The following CAV1 variants were observed in gnomAD, a reference collection of about 807,000 sequenced individuals.
CAV1 encodes caveolin 1, also known as caveolin-1.
A neutral mutation model predicts 16.5 loss-of-function variants in CAV1; 10 were observed. The observed-to-expected ratio is 0.61, with a 90% CI of 0.37 to 1.03. The LOEUF (loss-of-function observed/expected upper bound fraction) is 1.03. Among genes scored for constraint, CAV1 ranks in the 50% least tolerant of loss-of-function variants. The probability of loss-of-function intolerance (pLI) is 0.01; values close to 1 mark genes in which losing one functional copy is unlikely to be tolerated. For synonymous variants in CAV1, 76 were observed against 85.1 expected (o/e 0.89, Z 0.59); for missense variants, 212 against 232.8 (o/e 0.91, Z 0.58).
At position 116,528,605 on chromosome 7, in the gene CAV1, G is replaced by A. The variant is rs113763909; in HGVS notation, c.195+1916G>A. Among the ~76,000 whole-genome samples the A allele has an allele frequency of 6.7e-3, 1,015 of 152,182 alleles. 9 individuals are homozygous for A. The highest frequency in any genetic ancestry group is 0.022 in the African/African-American group (922 of 41,524). On this transcript the variant is annotated intron_variant, in intron 2 of 2. Coordinates refer to ENST00000341049, the MANE Select transcript of CAV1 (RefSeq NM_001753.5). The stretch of plus-strand genomic sequence containing the variant: ...AGAATGCCCTACAGAGAGACACCAA[G>A]ACTACAAATGCAAATTCTGCCCAAA...
rs1003986942 is a variant in CAV1 at position 116,542,404 on chromosome 7, C to G, written c.195+15715C>G. Among the ~76,000 whole-genome samples the G allele has an allele frequency of 7.1e-4, 108 of 152,156 alleles. 1 individual carries two copies. The highest frequency in any genetic ancestry group is 7.0e-3 in the Admixed American group (107 of 15,280). On this transcript the variant is annotated intron_variant, in intron 2 of 2. Transcript: ENST00000341049. ...AATTGGTCTGTGGTGGGGCCCAGAACTCTGTATTCTTTTTTTAAGGCTCTC... is the reference window on the plus strand; with the variant it reads ...AATTGGTCTGTGGTGGGGCCCAGAAGTCTGTATTCTTTTTTTAAGGCTCTC...
At chr7:116,531,011 G>T (rs1018950586) in intron 2 of CAV1, among the ~76,000 whole-genome samples, 3 of 152,168 alleles carry the variant, frequency 2.0e-5, no homozygotes, top group Admixed American at 6.5e-5. Context: ...TGGCATTGTG[G>T]ATCGAAACAT....
chr7:116,550,791 A>C (rs989170183), intron 2 of CAV1, among the ~76,000 whole-genome samples: 1 of 152,214 alleles, frequency 6.6e-6, no homozygotes, highest in African/African-American at 2.4e-5. Flanking sequence ...GCGTTTACAT[A>C]GGGTTCAGAA....
chr7:116,537,471 A>T (rs1455138793), intron 2 of CAV1, among the ~76,000 whole-genome samples: 1 of 152,138 alleles, frequency 6.6e-6, no homozygotes, highest in African/African-American at 2.4e-5. Flanking sequence ...TATTATCACC[A>T]TCATATTCCT....
In CAV1 at chr7:116,559,413, A is replaced by G; in HGVS notation, c.*126A>G. 2.8e-6 allele frequency: 2 copies of G among 703,484 alleles called. No individual in the cohort carries two copies. Among genetic ancestry groups the G allele is most frequent in the Non-Finnish European group, 2.5e-6 (1 of 403,246 alleles). The allele number at this position is 703,484 out of a possible 1,614,324, so 43.6% of individuals were successfully genotyped here. A position where few individuals can be genotyped will look rare whatever the true frequency, so the allele number is the denominator to read the frequency against. ...ATTGAATTATCTTGGTTGAAAATAA[A>G]AAGATCACTTTCTCAGTTTTCATAA... On this transcript the variant is annotated 3_prime_UTR_variant, in exon 3 of 3. Transcript: ENST00000341049.
intron 2 of CAV1, among the ~76,000 whole-genome samples, chr7:116,546,697 C>CAGAAAAAAAAAAAAA (rs1794054635): frequency 1.1e-5 from 1 of 88,386 alleles, no homozygotes; most frequent in African/African-American, 4.4e-5. Flanking sequence ...GACTCTGTCA[C>CAGAAAAAAAAAAAAA]AAAAAAAAAA....
chr7:116,529,543 A>T (rs959991378), intron 2 of CAV1, among the ~76,000 whole-genome samples: 1 of 152,156 alleles, frequency 6.6e-6, no homozygotes, highest in Non-Finnish European at 1.5e-5. Context: ...TGCATTGTAA[A>T]AGCATCCCCT....
chr7:116,531,009 T>G (rs3779512), intron 2 of CAV1, among the ~76,000 whole-genome samples: 83,608 of 152,078 alleles, frequency 0.55, 24,750 homozygotes, highest in East Asian at 0.93. Flanking sequence ...AGTGGCATTG[T>G]GGATCGAAAC....
rs537354489 is a variant in CAV1, at chr7:116,549,518, A to C, written c.196-9428A>C. Reference sequence around the variant, plus strand: ...TGGTATTTTAGAGCTATGGTGAATAAGAAAATCATTTAAAATAAAATGATT... The same window carrying C: ...TGGTATTTTAGAGCTATGGTGAATACGAAAATCATTTAAAATAAAATGATT... On this transcript the variant is annotated intron_variant, in intron 2 of 2. Coordinates refer to ENST00000341049, the MANE Select transcript of CAV1 (RefSeq NM_001753.5). Among the ~76,000 whole-genome samples the C allele has an allele frequency of 2.0e-5, 3 of 152,192 alleles. No individual in the cohort carries two copies. The East Asian group carries it at 5.8e-4, about 29-fold the overall frequency.
chr7:116,525,024 G>A, upstream of CAV1: 2 of 1,613,640 alleles, frequency 1.2e-6, no homozygotes, highest in Non-Finnish European at 1.7e-6. Context: ...CACAGCCCAG[G>A]GAAACCTCCT....
At chr7:116,542,151 C>T (rs1446429832) in intron 2 of CAV1, among the ~76,000 whole-genome samples, 1 of 152,216 alleles carries the variant, frequency 6.6e-6, no homozygotes, top group African/African-American at 2.4e-5. Context: ...GAAGCATTAT[C>T]TGTATGGCAA....
At chr7:116,554,424 A>G (rs1794223876) in intron 2 of CAV1, among the ~76,000 whole-genome samples, 2 of 152,212 alleles carry the variant, frequency 1.3e-5, no homozygotes, top group African/African-American at 4.8e-5. Context: ...AGACCTAGAG[A>G]TATGAATGGA....
chr7:116,544,860 C>T (rs1434364980), intron 2 of CAV1, among the ~76,000 whole-genome samples: 1 of 152,174 alleles, frequency 6.6e-6, no homozygotes, highest in Non-Finnish European at 1.5e-5. Flanking sequence ...GCCTGAGAAG[C>T]CAGAGGCCAT....
Position 116,559,706 on chromosome 7 carries a change from C to T in CAV1, c.*419C>T. 2.0e-6 allele frequency: 1 copy of T among 511,066 alleles called. No homozygotes were observed. The highest frequency in any genetic ancestry group is 3.4e-6 in the Non-Finnish European group (1 of 295,754). The allele number at this position is 511,066 out of a possible 1,614,324, so 31.7% of individuals were successfully genotyped here. On this transcript the variant is annotated 3_prime_UTR_variant, in exon 3 of 3. Transcript: ENST00000341049. ...TTAAGGGAAGAATTCCAGGGTATGG[C>T]CATGGAGTGTACAAGTATGTGGGCA...
chr7:116,547,750 G>A (rs533269446), intron 2 of CAV1, among the ~76,000 whole-genome samples: 13 of 152,156 alleles, frequency 8.5e-5, no homozygotes, highest in South Asian at 8.3e-4. Flanking sequence ...CTCCACTTCC[G>A]GTTGAGACAC....
intron 2 of CAV1, among the ~76,000 whole-genome samples, chr7:116,539,078 C>T (rs1268457719): frequency 6.6e-6 from 1 of 152,160 alleles, no homozygotes; most frequent in African/African-American, 2.4e-5. Flanking sequence ...ACCAGCCCTG[C>T]ACCAGGCACG....
chr7:116,526,957 C>T, intron 2 of CAV1: 1 of 512,322 alleles, frequency 2.0e-6, no homozygotes, highest in South Asian at 2.0e-5. Context: ...CCTATAACTA[C>T]ACTTTTATCC....
In CAV1 at chr7:116,555,510, AAGAAAGAAAG is replaced by A. The variant is rs1200572304; in HGVS notation, c.196-3432_196-3423del. 8.7e-4 allele frequency among the ~76,000 whole-genome samples: 8 copies of A among 9,246 alleles called. 4 individuals carry two copies. The East Asian group carries it at 0.056, about 64-fold the overall frequency. 6.1% of individuals were successfully genotyped at this position (9,246 alleles called of 152,430 possible). A position where few individuals can be genotyped will look rare whatever the true frequency, so the allele number is the denominator to read the frequency against. On this transcript the variant is annotated intron_variant, in intron 2 of 2. Transcript: ENST00000341049. ...AAAGAAAGAAAGAAAGAAAGAAAGA[AAGAAAGAAAG>A]AGAGAGAGAGAGAGAGAGAGAGAGA...
intron 2 of CAV1, among the ~76,000 whole-genome samples, chr7:116,541,549 G>A (rs1793935947): frequency 6.6e-6 from 1 of 152,104 alleles, no homozygotes; most frequent in Admixed American, 6.5e-5. Context: ...CCAGAAGCTT[G>A]AGACCAGCCT....
Sources: allele counts gnomAD v4.1 joint callset (sites outside exome capture counted in the v4.1 genomes callset), GRCh38; gene constraint gnomAD v4.1.1; transcripts MANE v1.5; gene names NCBI Gene and HGNC (gene_info 2026-07-23, HGNC 2026-07-21).